Variants in SPATC1L observed in about 807,000 individuals in gnomAD.
SPATC1L encodes spermatogenesis and centriole associated 1 like.
Under a neutral mutation model 21.2 loss-of-function variants are expected in SPATC1L, and 20 were observed. That is an observed-to-expected ratio of 0.94 (90% CI 0.66 to 1.37). SPATC1L has a LOEUF of 1.37. Among genes scored for constraint, SPATC1L ranks in the 40% most tolerant of loss-of-function variants. SPATC1L has a pLI of 0.00. For synonymous variants in SPATC1L, 290 were observed against 234.5 expected (o/e 1.24, Z -2.16); for missense variants, 499 against 478.7 (o/e 1.04, Z -0.40).
chr21:46,168,555 C>T lies in SPATC1L; in HGVS notation c.297G>A (p.Glu99=). The change falls in exon 3 of 5, where the codon GAG becomes GAA. Residue 99 remains glutamate, a synonymous_variant. Transcript: ENST00000291672. ...CTGCACAGCCCGGGGAGGTGTCGTC[C>T]TCGCTGGACAGGGGGGCATGTGAGC... ...LLCSHAPLSS[E]DDTSPGCAAP... The T allele has an allele frequency of 4.0e-6, 6 of 1,498,330 alleles. No homozygotes were observed. Among genetic ancestry groups the T allele is most frequent in the Non-Finnish European group, 5.4e-6 (6 of 1,109,702 alleles). The allele number at this position is 1,498,330 out of a possible 1,614,324, so 92.8% of individuals were successfully genotyped here.
intron 2 of SPATC1L, among the ~76,000 whole-genome samples, chr21:46,181,722 G>A (rs911693939): frequency 2.0e-5 from 3 of 152,160 alleles, no homozygotes; most frequent in Admixed American, 6.5e-5. Flanking sequence ...GGGCACTGGC[G>A]AGGCTGCCTG....
At chr21:46,176,243 C>T (rs2079632451) in intron 2 of SPATC1L, among the ~76,000 whole-genome samples, 1 of 152,178 alleles carries the variant, frequency 6.6e-6, no homozygotes, top group Admixed American at 6.5e-5. Context: ...TGCCCTCTCT[C>T]ACCACTCCTA....
Position 46,162,016 on chromosome 21 carries a change from A to AT in SPATC1L, c.595dup (p.Ile199AsnfsTer?), listed in dbSNP as rs1316673509. On this transcript the variant is annotated frameshift_variant, in exon 4 of 5. Coordinates refer to ENST00000291672, the MANE Select transcript of SPATC1L (RefSeq NM_001142854.2). LOFTEE classifies it high-confidence loss of function. ...GATGCGGCGGTCCAGCTGGAAGGCGATCTCGCCCACCACGCGCGCGTCCTT... is the reference window on the plus strand; with the variant it reads ...GATGCGGCGGTCCAGCTGGAAGGCGATTCTCGCCCACCACGCGCGCGTCCTT... The AT allele has an allele frequency of 6.3e-7, 1 of 1,599,394 alleles. No homozygotes were observed. The highest frequency in any genetic ancestry group is 1.3e-5 in the African/African-American group (1 of 74,700).
intron 2 of SPATC1L, among the ~76,000 whole-genome samples, chr21:46,175,812 C>T (rs1396716417): frequency 1.3e-5 from 2 of 152,116 alleles, no homozygotes; most frequent in Non-Finnish European, 2.9e-5. Flanking sequence ...TTCTATGAGG[C>T]CAGCATCATC....
chr21:46,178,257 C>CAAAAA (rs1477962807), intron 2 of SPATC1L, among the ~76,000 whole-genome samples: 1 of 124,108 alleles, frequency 8.1e-6, no homozygotes, highest in African/African-American at 3.0e-5. Context: ...AAAAAAAAAA[C>CAAAAA]CAGAATGAGA....
intron 4 of SPATC1L, 33 bp downstream of exon 4, chr21:46,161,883 C>A (rs1270239584): frequency 1.9e-6 from 3 of 1,597,258 alleles, no homozygotes; most frequent in Non-Finnish European, 1.7e-6. Context: ...GCGCCCCGCA[C>A]CCTCCTGGCC....
intron 3 of SPATC1L, among the ~76,000 whole-genome samples, chr21:46,166,442 T>C (rs1185564504): frequency 6.6e-6 from 1 of 151,742 alleles, no homozygotes; most frequent in African/African-American, 2.4e-5. Context: ...CAAGAAACTT[T>C]GAATGTAAAT....
At chr21:46,166,321 G>T (rs1299151697) in intron 3 of SPATC1L, among the ~76,000 whole-genome samples, 1 of 151,744 alleles carries the variant, frequency 6.6e-6, no homozygotes, top group Admixed American at 6.6e-5. Context: ...AGCCAAGATT[G>T]CACCACTGCA....
chr21:46,175,971 G>T (rs919452508), intron 2 of SPATC1L, among the ~76,000 whole-genome samples: 4 of 152,086 alleles, frequency 2.6e-5, no homozygotes, highest in African/African-American at 9.7e-5. Context: ...AATCAAATAG[G>T]TTTTATCCCT....
chr21:46,174,354 A>AG (rs1240979989), intron 2 of SPATC1L, among the ~76,000 whole-genome samples: 1 of 151,762 alleles, frequency 6.6e-6, no homozygotes, highest in East Asian at 1.9e-4. Context: ...CAAAAAAAAA[A>AG]AAAAAACAGA....
intron 2 of SPATC1L, among the ~76,000 whole-genome samples, chr21:46,181,234 A>G (rs1244031487): frequency 6.6e-6 from 1 of 152,206 alleles, no homozygotes; most frequent in Non-Finnish European, 1.5e-5. Flanking sequence ...CAGCACCGTA[A>G]GCGCAGGTCT....
chr21:46,178,232 C>CAAA lies in SPATC1L; in HGVS notation c.193+4389_193+4391dup, dbSNP rs59110880. Among the ~76,000 whole-genome samples, 61 of 39,288 alleles carry CAAA rather than the reference C, an allele frequency of 1.6e-3. 1 individual carries two copies. Among genetic ancestry groups the CAAA allele is most frequent in the Non-Finnish European group, 2.3e-3 (48 of 20,806 alleles). 25.8% of individuals were successfully genotyped at this position (39,288 alleles called of 152,430 possible). ...GGGCAACAAGAGTGAAACTCCATCT[C>CAAA]AAAAAAAAAAAAAAAAAAAAAAAAC... On this transcript the variant is annotated intron_variant, in intron 2 of 4. Coordinates refer to ENST00000291672, the MANE Select transcript of SPATC1L (RefSeq NM_001142854.2).
In SPATC1L at chr21:46,161,571, G is replaced by A. The variant is rs1414052436; in HGVS notation, c.831C>T (p.Phe277=). The A allele has an allele frequency of 6.2e-7, 1 of 1,610,288 alleles. No individual in the cohort carries two copies. The highest frequency in any genetic ancestry group is 8.5e-7 in the Non-Finnish European group (1 of 1,178,936). Residue 277 remains phenylalanine, a synonymous_variant, in exon 5 of 5, where the codon TTC becomes TTT. Transcript: ENST00000291672. ...SRDVHPAFSE[F]LINTYGILKQ... Reference sequence around the variant, plus strand: ...TCAGGATTCCGTAGGTGTTGATGAGGAACTCGCTGAACGCCGGGTGCACGT... The same window carrying A: ...TCAGGATTCCGTAGGTGTTGATGAGAAACTCGCTGAACGCCGGGTGCACGT...
At chr21:46,164,330 T>G (rs747338552) in intron 3 of SPATC1L, among the ~76,000 whole-genome samples, 2 of 152,170 alleles carry the variant, frequency 1.3e-5, no homozygotes, top group Non-Finnish European at 2.9e-5. Flanking sequence ...TCTTCTTTCA[T>G]TCCTTTCAGT....
chr21:46,173,935 G>A (rs2079610861), intron 2 of SPATC1L, among the ~76,000 whole-genome samples: 1 of 152,202 alleles, frequency 6.6e-6, no homozygotes, highest in African/African-American at 2.4e-5. Flanking sequence ...GCTAGAGCAT[G>A]CAGAGTCCAG....
Position 46,183,077 on chromosome 21 carries a change from C to A in SPATC1L, c.-261G>T. ...AGCCACTCCCACATTATGACCAGGGCCCGAGAATGCCAAGGACATTAGGCA... is the reference window on the plus strand; with the variant it reads ...AGCCACTCCCACATTATGACCAGGGACCGAGAATGCCAAGGACATTAGGCA... On this transcript the variant is annotated 5_prime_UTR_variant, in exon 2 of 5. Coordinates refer to ENST00000291672, the MANE Select transcript of SPATC1L (RefSeq NM_001142854.2). The A allele has an allele frequency of 2.1e-6, 1 of 476,470 alleles. No homozygotes were observed. The highest frequency in any genetic ancestry group is 3.9e-5 in the South Asian group (1 of 25,500). 29.5% of individuals were successfully genotyped at this position (476,470 alleles called of 1,614,324 possible). A position where few individuals can be genotyped will look rare whatever the true frequency, so the allele number is the denominator to read the frequency against.
At chr21:46,183,974 G>GGGGGAGACCAGCCTAGGGT (rs368123661) in intron 1 of SPATC1L, among the ~76,000 whole-genome samples, 200 bp from the exon 2 acceptor site, 36,293 of 146,930 alleles carry the variant, frequency 0.25, 5,260 homozygotes, top group Admixed American at 0.37. Flanking sequence ...CCAGTCTTGC[G>GGGGGAGACCAGCCTAGGGT]GGGGAGACCA....
At chr21:46,161,784 G>A (rs1025060695) in intron 4 of SPATC1L, 79 bp from the exon 5 acceptor site, 44 of 1,482,236 alleles carry the variant, frequency 3.0e-5, no homozygotes, top group Non-Finnish European at 2.8e-5. Context: ...GCCGATCCCT[G>A]CCCCGCCCGC....
intron 2 of SPATC1L, among the ~76,000 whole-genome samples, chr21:46,181,459 T>C (rs2079673289): frequency 6.6e-6 from 1 of 152,178 alleles, no homozygotes; most frequent in Non-Finnish European, 1.5e-5. Context: ...TGGATTCCCC[T>C]CTTTGCTTCC....
Sources: gnomAD v4.1 joint callset for allele counts (sites outside exome capture counted in the v4.1 genomes callset) on GRCh38, gnomAD v4.1.1 for gene constraint, MANE v1.5 for transcripts, NCBI Gene and HGNC (gene_info 2026-07-23, HGNC 2026-07-21) for gene names.